The following TAFA2 variants were observed in gnomAD, a reference collection of about 807,000 sequenced individuals.
The protein encoded by TAFA2 is TAFA chemokine like family member 2.
A neutral mutation model predicts 18.8 loss-of-function variants in TAFA2; 7 were observed. That is an observed-to-expected ratio of 0.37 (90% CI 0.21 to 0.70). The LOEUF is 0.70. Ranked by LOEUF, TAFA2 falls within the 30% of genes least tolerant of loss-of-function variation. The pLI is 0.53. For synonymous variants in TAFA2, 60 were observed against 54.2 expected (o/e 1.11, Z -0.47); for missense variants, 122 against 158.1 (o/e 0.77, Z 1.23).
intron 2 of TAFA2, among the ~76,000 whole-genome samples, chr12:61,840,743 G>C (rs1202617681): frequency 6.6e-6 from 1 of 151,898 alleles, no homozygotes; most frequent in African/African-American, 2.4e-5. Flanking sequence ...ATGGTCTGCT[G>C]CTTTTCTAGA....
At chr12:62,161,205 G>A (rs1286504065) in intron 1 of TAFA2, among the ~76,000 whole-genome samples, 1 of 151,958 alleles carries the variant, frequency 6.6e-6, no homozygotes, top group African/African-American at 2.4e-5. Context: ...TCAAAAATCA[G>A]ATAAATACCA....
chr12:61,977,228 C>T (rs1051266483), intron 1 of TAFA2, among the ~76,000 whole-genome samples: 21 of 152,008 alleles, frequency 1.4e-4, no homozygotes, highest in African/African-American at 4.3e-4. Context: ...TCTCATTAAA[C>T]GGTAGATGTG....
At chr12:62,235,559 G>A in intron 1 of TAFA2, 1 of 370,858 alleles carries the variant, frequency 2.7e-6, no homozygotes. Flanking sequence ...CAGACAGGGA[G>A]CAACCCACCA....
At chr12:61,866,007 A>G (rs762434736) in intron 2 of TAFA2, among the ~76,000 whole-genome samples, 21 of 152,174 alleles carry the variant, frequency 1.4e-4, no homozygotes, top group Non-Finnish European at 2.1e-4. Flanking sequence ...GTTGCTGCCA[A>G]TTTGAGACCA....
chr12:61,896,791 T>C (rs1440210334), intron 1 of TAFA2, among the ~76,000 whole-genome samples: 1 of 152,172 alleles, frequency 6.6e-6, no homozygotes, highest in African/African-American at 2.4e-5. Context: ...TATATTCTGA[T>C]TTCTAAGAGA....
At chr12:61,756,665 G>A (rs1464034656) in intron 2 of TAFA2, among the ~76,000 whole-genome samples, 1 of 152,068 alleles carries the variant, frequency 6.6e-6, no homozygotes, top group Non-Finnish European at 1.5e-5. Flanking sequence ...TTAAGGCAAT[G>A]TTAGATTTTT....
At chr12:62,057,681 C>G (rs1260722375) in intron 1 of TAFA2, among the ~76,000 whole-genome samples, 1 of 152,124 alleles carries the variant, frequency 6.6e-6, no homozygotes, top group Non-Finnish European at 1.5e-5. Flanking sequence ...AAGGTAAAGT[C>G]TAAAATTAAT....
chr12:61,716,023 T>C (rs903584920), intron 4 of TAFA2, among the ~76,000 whole-genome samples: 1 of 152,218 alleles, frequency 6.6e-6, no homozygotes, highest in South Asian at 2.1e-4. Flanking sequence ...GATGATTTAC[T>C]GGGTAAAACA....
At chr12:61,919,969 T>A (rs1016581427) in intron 1 of TAFA2, among the ~76,000 whole-genome samples, 1 of 152,190 alleles carries the variant, frequency 6.6e-6, no homozygotes. Flanking sequence ...GATGTGAAGC[T>A]AAAATTTCTC....
intron 2 of TAFA2, among the ~76,000 whole-genome samples, chr12:61,812,758 C>T (rs1871927444): frequency 6.6e-6 from 1 of 150,808 alleles, no homozygotes; most frequent in African/African-American, 2.5e-5. Context: ...TTAGTAGGGA[C>T]AGGGTTTTAC....
chr12:61,915,681 A>C (rs1876792731), intron 1 of TAFA2, among the ~76,000 whole-genome samples: 1 of 152,174 alleles, frequency 6.6e-6, no homozygotes. Context: ...GAACTGTGAG[A>C]GGGGAAGTTT....
chr12:61,793,539 C>T (rs2120934327), intron 2 of TAFA2, among the ~76,000 whole-genome samples: 1 of 151,816 alleles, frequency 6.6e-6, no homozygotes, highest in Middle Eastern at 3.4e-3. Flanking sequence ...TACTAAACCT[C>T]ACTCAAGAAG....
Position 62,128,889 on chromosome 12 carries a change from T to C in TAFA2, c.-2+62370A>G, listed in dbSNP as rs143334680. ...TCTGTATAGTTGTAAATACGATACA[T>C]TAAATCTGAATCCATGTGTGAAAGA... On this transcript the variant is annotated intron_variant, in intron 1 of 4. Coordinates refer to ENST00000416284, the MANE Select transcript of TAFA2 (RefSeq NM_178539.5). Among the ~76,000 whole-genome samples the C allele has an allele frequency of 3.1e-3, 474 of 152,172 alleles. 5 individuals are homozygous for C. Among genetic ancestry groups the C allele is most frequent in the African/African-American group, 0.01 (429 of 41,538 alleles).
At chr12:61,824,763 T>G (rs1208111748) in intron 2 of TAFA2, among the ~76,000 whole-genome samples, 1 of 152,200 alleles carries the variant, frequency 6.6e-6, no homozygotes, top group Non-Finnish European at 1.5e-5. Flanking sequence ...TTATAAAAAC[T>G]GCAGAAAGTG....
At chr12:62,036,836 C>T (rs1881624692) in intron 1 of TAFA2, among the ~76,000 whole-genome samples, 1 of 152,190 alleles carries the variant, frequency 6.6e-6, no homozygotes, top group Non-Finnish European at 1.5e-5. Context: ...TAGTAGAAGT[C>T]TCCTGGCTGT....
At chr12:61,991,887 G>A (rs532999183) in intron 1 of TAFA2, among the ~76,000 whole-genome samples, 2 of 152,306 alleles carry the variant, frequency 1.3e-5, no homozygotes, top group African/African-American at 4.8e-5. Flanking sequence ...AGCAGAATTT[G>A]ACATTACTGA....
intron 1 of TAFA2, among the ~76,000 whole-genome samples, chr12:61,907,684 C>A (rs1391212561): frequency 1.3e-5 from 2 of 152,084 alleles, no homozygotes; most frequent in Non-Finnish European, 2.9e-5. Flanking sequence ...TAATGGTATC[C>A]ACCGACAGTT....
chr12:61,901,755 A>T (rs927534669), intron 1 of TAFA2, among the ~76,000 whole-genome samples: 1 of 152,160 alleles, frequency 6.6e-6, no homozygotes, highest in Non-Finnish European at 1.5e-5. Flanking sequence ...TACATTAATT[A>T]TCTGTCTCAC....
intron 1 of TAFA2, among the ~76,000 whole-genome samples, chr12:62,080,758 TA>T (rs1328394395): frequency 6.6e-6 from 1 of 152,224 alleles, no homozygotes; most frequent in Non-Finnish European, 1.5e-5. Context: ...ATTTATATTC[TA>T]AAATTTACAA....
Sources: gnomAD v4.1 joint callset for allele counts (sites outside exome capture counted in the v4.1 genomes callset) on GRCh38, gnomAD v4.1.1 for gene constraint, MANE v1.5 for transcripts, NCBI Gene and HGNC (gene_info 2026-07-23, HGNC 2026-07-21) for gene names.